ART4: variants seen among roughly 807,000 people sequenced by gnomAD.
ART4 encodes the protein ADP-ribosyltransferase 4 (inactive) (Dombrock blood group), also known as ecto-ADP-ribosyltransferase 4.
ART4 carries 14 observed loss-of-function variants against 24.2 expected under a neutral mutation model. The observed-to-expected ratio is 0.58, with a 90% CI of 0.38 to 0.90. The LOEUF (loss-of-function observed/expected upper bound fraction) is 0.90. ART4 is among the 40% of genes least tolerant of loss of function. The pLI is 0.00. For missense variants in ART4, 356 were observed against 366.6 expected, an observed-to-expected ratio of 0.97 and a Z score of 0.24; for synonymous variants, 145 against 139.9, an observed-to-expected ratio of 1.04 and a Z score of -0.26.
At chr12:14,829,508 T>C in intron 2 of ART4, 46 bp from the exon 3 acceptor site, 1 of 1,378,570 alleles carries the variant, frequency 7.3e-7, no homozygotes, top group African/African-American at 1.4e-5. Flanking sequence ...GCAGAGTTTT[T>C]TTTAAAACTA....
At chr12:14,840,325 T>C (rs766216113) in intron 2 of ART4, 120 bp downstream of exon 2, 31 of 804,608 alleles carry the variant, frequency 3.9e-5, no homozygotes, top group Non-Finnish European at 5.8e-5. Flanking sequence ...AGTTCCATCA[T>C]TACCGAAGGC....
chr12:14,832,158 G>A (rs1467862599), intron 2 of ART4, among the ~76,000 whole-genome samples: 3 of 152,100 alleles, frequency 2.0e-5, no homozygotes, highest in Non-Finnish European at 4.4e-5. Context: ...ACCTCTCAGT[G>A]GTATCCTATC....
rs1210078970 is a variant in ART4, at chr12:14,840,866, G to T, written c.432C>A (p.Ala144=). Residue 144 remains alanine, a synonymous_variant, in exon 2 of 3, where the codon GCC becomes GCA. Transcript: ENST00000228936. ...SDFTRAMASV[A]RTPQQYERSF... The stretch of plus-strand genomic sequence containing the variant: ...AACGTTCATACTGCTGTGGAGTCCT[G>T]GCAACAGAGGCCATGGCTCTAGTAA... 1 of 1,614,146 alleles carries T rather than the reference G, an allele frequency of 6.2e-7. No individual in the cohort carries two copies. Among genetic ancestry groups the T allele is most frequent in the Non-Finnish European group, 8.5e-7 (1 of 1,180,016 alleles).
chr12:14,830,392 G>A (rs2137297273), intron 2 of ART4, among the ~76,000 whole-genome samples: 1 of 151,566 alleles, frequency 6.6e-6, no homozygotes, highest in South Asian at 2.1e-4. Context: ...TAGAAAAGAT[G>A]TTTCTGGGAG....
chr12:14,840,313 T>C, intron 2 of ART4, 132 bp downstream of exon 2: 6 of 698,918 alleles, frequency 8.6e-6, no homozygotes. Flanking sequence ...CTCTAATCTA[T>C]CAGTTCCATC....
chr12:14,833,481 C>T (rs188542393), intron 2 of ART4, among the ~76,000 whole-genome samples: 31 of 152,270 alleles, frequency 2.0e-4, no homozygotes, highest in Admixed American at 5.2e-4. Context: ...ATCCCTTAAG[C>T]TCTCTGAATC....
intron 2 of ART4, among the ~76,000 whole-genome samples, chr12:14,832,215 T>C (rs1950401431): frequency 6.6e-6 from 1 of 152,204 alleles, no homozygotes; most frequent in Non-Finnish European, 1.5e-5. Context: ...AGGTCCTATG[T>C]GATCGAATCT....
At position 14,829,460 on chromosome 12, in the gene ART4, A is replaced by C. The variant is rs749765429; in HGVS notation, c.856T>G (p.Ser286Ala). The C allele has an allele frequency of 2.2e-5, 36 of 1,605,040 alleles. No homozygotes were observed. In the South Asian group the frequency reaches 3.8e-4, roughly 17 times the overall value. Residue 286 changes from serine to alanine, a missense_variant and splice_region_variant, in exon 3 of 3, where the codon TCC (serine) becomes GCC (alanine). Transcript: ENST00000228936. ...STYNCQLLKA[S>A]SKKCIPDPIA... is the part of the protein sequence containing the mutation. ...GGATCAGGGATGCATTTCTTGCTGG[A>C]AGCTGTAAAAAACAAAACAAAGGAA...
chr12:14,842,509 A>G (rs755302038), intron 1 of ART4, among the ~76,000 whole-genome samples: 4 of 152,230 alleles, frequency 2.6e-5, no homozygotes, highest in Non-Finnish European at 4.4e-5. Flanking sequence ...TGTTCTGTCA[A>G]CTGTCATGAT....
chr12:14,838,798 A>G (rs1056859736), intron 2 of ART4, among the ~76,000 whole-genome samples: 1 of 152,168 alleles, frequency 6.6e-6, no homozygotes, highest in South Asian at 2.1e-4. Flanking sequence ...AATCATAGCA[A>G]TAATGATAAA....
rs147851824 is a variant in ART4 at position 14,843,092 on chromosome 12, A to G, written c.22T>C (p.Cys8Arg). The change falls in exon 1 of 3, where the codon TGC becomes CGC. Residue 8 changes from cysteine to arginine, a missense_variant. Transcript: ENST00000228936. MGPLINR[C>R]KKILLPTTVP... ...GTAGTTGGGAGAAGAATCTTCTTGC[A>G]TCTGTTGATCAATGGACCCATTTGC... The G allele has an allele frequency of 9.5e-5, 154 of 1,614,200 alleles. No homozygotes were observed. The African/African-American group carries it at 1.7e-3, about 18-fold the overall frequency.
At chr12:14,835,435 C>T (rs1383397555) in intron 2 of ART4, among the ~76,000 whole-genome samples, 3 of 152,074 alleles carry the variant, frequency 2.0e-5, no homozygotes, top group East Asian at 1.9e-4. Flanking sequence ...ATGTATGGCT[C>T]AGTCCAATAC....
chr12:14,841,711 A>C (rs950198385), intron 1 of ART4, among the ~76,000 whole-genome samples: 3 of 152,224 alleles, frequency 2.0e-5, no homozygotes, highest in Non-Finnish European at 4.4e-5. Flanking sequence ...CTGTTTTCTT[A>C]CTGAAAAAGG....
intron 2 of ART4, among the ~76,000 whole-genome samples, chr12:14,836,076 C>CATATAT (rs149334373): frequency 3.3e-5 from 5 of 150,700 alleles, no homozygotes; most frequent in African/African-American, 9.8e-5. Context: ...TATGTATATA[C>CATATAT]ATATATATAT....
chr12:14,837,653 G>A (rs10772808), intron 2 of ART4, among the ~76,000 whole-genome samples: 51,585 of 151,840 alleles, frequency 0.34, 9,306 homozygotes, highest in Middle Eastern at 0.39. Context: ...AGCTGGGACT[G>A]CATGTATGTG....
chr12:14,841,688 A>G (rs779780438), intron 1 of ART4, among the ~76,000 whole-genome samples: 8 of 152,238 alleles, frequency 5.3e-5, no homozygotes, highest in Non-Finnish European at 1.2e-4. Context: ...GCAAAATATG[A>G]AAGCCAAAAT....
chr12:14,838,393 T>C (rs1294905004), intron 2 of ART4, among the ~76,000 whole-genome samples: 1 of 152,206 alleles, frequency 6.6e-6, no homozygotes, highest in Non-Finnish European at 1.5e-5. Flanking sequence ...CTTACTATCC[T>C]AGTGAAGAAT....
At position 14,829,337 on chromosome 12, in the gene ART4, A is replaced by G. The variant is rs759381640; in HGVS notation, c.*34T>C. ...CCAATAAAAAAGATTTTATTTAAAT[A>G]TTTTTTTTAAATAAAAGGAGCCACA... On this transcript the variant is annotated 3_prime_UTR_variant, in exon 3 of 3. Coordinates refer to ENST00000228936, the MANE Select transcript of ART4 (RefSeq NM_021071.4). The G allele has an allele frequency of 1.5e-6, 2 of 1,371,854 alleles. No individual in the cohort carries two copies. Among genetic ancestry groups the G allele is most frequent in the South Asian group, 3.0e-5 (2 of 66,184 alleles). The allele number at this position is 1,371,854 out of a possible 1,614,324, so 85.0% of individuals were successfully genotyped here.
intron 2 of ART4, among the ~76,000 whole-genome samples, chr12:14,836,101 A>G (rs1344876739): frequency 6.6e-6 from 1 of 152,162 alleles, no homozygotes; most frequent in Non-Finnish European, 1.5e-5. Context: ...CATCAATGAT[A>G]AAGTTTGAAG....
Sources: allele counts gnomAD v4.1 joint callset (sites outside exome capture counted in the v4.1 genomes callset), GRCh38; gene constraint gnomAD v4.1.1; transcripts MANE v1.5; gene names NCBI Gene and HGNC (gene_info 2026-07-23, HGNC 2026-07-21).